LRRTM4: variants seen among roughly 807,000 people sequenced by gnomAD.
LRRTM4 encodes leucine rich repeat transmembrane neuronal 4.
A neutral mutation model predicts 47.6 loss-of-function variants in LRRTM4; 25 were observed. The observed-to-expected ratio is 0.53, with a 90% CI of 0.38 to 0.73. The LOEUF (loss-of-function observed/expected upper bound fraction) is 0.73. LRRTM4 is among the 30% of genes least tolerant of loss of function. The pLI is 0.00. For missense variants in LRRTM4, 638 were observed against 713.4 expected, an observed-to-expected ratio of 0.89 and a Z score of 1.20; for synonymous variants, 311 against 269.5, an observed-to-expected ratio of 1.15 and a Z score of -1.51.
intron 3 of LRRTM4, among the ~76,000 whole-genome samples, chr2:77,074,907 GTT>G (rs1186188898): frequency 8.1e-6 from 1 of 124,014 alleles, no homozygotes. Flanking sequence ...TTTGACTTAA[GTT>G]TCACTTTTTT....
chr2:77,472,618 T>A (rs1677233918), intron 3 of LRRTM4, among the ~76,000 whole-genome samples: 1 of 152,072 alleles, frequency 6.6e-6, no homozygotes, highest in Non-Finnish European at 1.5e-5. Flanking sequence ...CCAGTAGTAA[T>A]CCTACATTAT....
chr2:77,208,275 G>C (rs1334720925), intron 3 of LRRTM4, among the ~76,000 whole-genome samples: 1 of 152,078 alleles, frequency 6.6e-6, no homozygotes, highest in Non-Finnish European at 1.5e-5. Flanking sequence ...ATGCTATAAG[G>C]GACTTTAGCC....
At chr2:77,005,610 T>C (rs929845774) in intron 3 of LRRTM4, among the ~76,000 whole-genome samples, 1 of 152,182 alleles carries the variant, frequency 6.6e-6, no homozygotes, top group African/African-American at 2.4e-5. Context: ...CAGATTTTTC[T>C]TGTGCTTTTG....
chr2:77,340,680 G>A (rs905365285), intron 3 of LRRTM4, among the ~76,000 whole-genome samples: 2 of 151,870 alleles, frequency 1.3e-5, no homozygotes, highest in African/African-American at 2.4e-5. Flanking sequence ...TAGTGCCACC[G>A]TGTTTGTATT....
chr2:77,284,007 GTAAA>G, intron 3 of LRRTM4, among the ~76,000 whole-genome samples: 1 of 151,964 alleles, frequency 6.6e-6, no homozygotes, highest in East Asian at 1.9e-4. Context: ...GCACAAATAA[GTAAA>G]TAAATAGGAA....
chr2:77,369,212 A>G (rs893623111), intron 3 of LRRTM4, among the ~76,000 whole-genome samples: 2 of 151,690 alleles, frequency 1.3e-5, no homozygotes, highest in Admixed American at 6.6e-5. Context: ...ACTATTTCCA[A>G]TTATATATTT....
chr2:77,477,234 G>A (rs1380347986), intron 3 of LRRTM4, among the ~76,000 whole-genome samples: 3 of 152,080 alleles, frequency 2.0e-5, no homozygotes, highest in Non-Finnish European at 4.4e-5. Context: ...AGCCATCATA[G>A]AAAGTAAAAG....
At chr2:77,114,937 A>G (rs1671347073) in intron 3 of LRRTM4, among the ~76,000 whole-genome samples, 1 of 152,136 alleles carries the variant, frequency 6.6e-6, no homozygotes, top group Admixed American at 6.5e-5. Context: ...ACATCTTAAC[A>G]GGAAACAGGG....
intron 3 of LRRTM4, among the ~76,000 whole-genome samples, chr2:77,129,002 T>C (rs889398098): frequency 5.3e-5 from 8 of 152,232 alleles, no homozygotes; most frequent in African/African-American, 1.9e-4. Context: ...TTTTTATTCA[T>C]GTCATGTTTT....
At chr2:77,293,440 C>T (rs1254405971) in intron 3 of LRRTM4, among the ~76,000 whole-genome samples, 1 of 151,968 alleles carries the variant, frequency 6.6e-6, no homozygotes. Flanking sequence ...TCCAGAAATC[C>T]CTATAACGGA....
intron 3 of LRRTM4, among the ~76,000 whole-genome samples, chr2:76,894,160 T>G (rs1673337872): frequency 6.6e-6 from 1 of 152,006 alleles, no homozygotes; most frequent in South Asian, 2.1e-4. Context: ...TCAAAATTTT[T>G]TATTCTCTAA....
intron 3 of LRRTM4, among the ~76,000 whole-genome samples, chr2:76,815,877 G>A (rs1670882314): frequency 6.6e-6 from 1 of 152,152 alleles, no homozygotes; most frequent in South Asian, 2.1e-4. Context: ...ACCAATAACT[G>A]GGGGGTGGGC....
At chr2:77,369,944 T>G (rs375931933) in intron 3 of LRRTM4, among the ~76,000 whole-genome samples, 2 of 151,856 alleles carry the variant, frequency 1.3e-5, no homozygotes, top group Non-Finnish European at 2.9e-5. Flanking sequence ...AGTTCATCAT[T>G]GACTGAAAAG....
intron 3 of LRRTM4, among the ~76,000 whole-genome samples, chr2:77,051,796 CT>C (rs1050949166): frequency 1.3e-4 from 20 of 151,864 alleles, no homozygotes; most frequent in African/African-American, 2.9e-4. Context: ...TGAATAAAGA[CT>C]TTTTTTTCAC....
chr2:76,820,661 A>G (rs184707004), intron 3 of LRRTM4, among the ~76,000 whole-genome samples: 134 of 151,890 alleles, frequency 8.8e-4, no homozygotes, highest in Non-Finnish European at 1.7e-3. Context: ...AGAATTACTT[A>G]CAACACATCA....
At chr2:77,208,178 C>T (rs573059184) in intron 3 of LRRTM4, among the ~76,000 whole-genome samples, 33 of 152,074 alleles carry the variant, frequency 2.2e-4, no homozygotes, top group Non-Finnish European at 3.4e-4. Flanking sequence ...CACGCACCCC[C>T]CAAGGTGGCT....
At chr2:76,864,985 C>G (rs1302540659) in intron 3 of LRRTM4, among the ~76,000 whole-genome samples, 1 of 151,768 alleles carries the variant, frequency 6.6e-6, no homozygotes, top group African/African-American at 2.4e-5. Context: ...ATTCTTCTGC[C>G]TCAGCCTCCC....
chr2:76,761,363 C>T (rs73940045), intron 3 of LRRTM4, among the ~76,000 whole-genome samples: 9,316 of 152,244 alleles, frequency 0.061, 866 homozygotes, highest in African/African-American at 0.19. Flanking sequence ...TATATCCTTG[C>T]TGGTGATTAA....
At chr2:77,040,981 T>C (rs1679010086) in intron 3 of LRRTM4, among the ~76,000 whole-genome samples, 1 of 151,486 alleles carries the variant, frequency 6.6e-6, no homozygotes, top group Non-Finnish European at 1.5e-5. Context: ...CACATTATTA[T>C]AATTATAGTC....
Sources: allele counts gnomAD v4.1 joint callset (sites outside exome capture counted in the v4.1 genomes callset), GRCh38; gene constraint gnomAD v4.1.1; transcripts MANE v1.5; gene names NCBI Gene and HGNC (gene_info 2026-07-23, HGNC 2026-07-21).